Variants in DOCK4 observed in about 807,000 individuals in gnomAD.
DOCK4 encodes dedicator of cytokinesis protein 4.
A neutral mutation model predicts 268.1 loss-of-function variants in DOCK4; 97 were observed. The ratio of observed to expected loss-of-function variants is 0.36; its 90% CI spans 0.31 to 0.43. The LOEUF (loss-of-function observed/expected upper bound fraction) is 0.43. Among genes scored for constraint, DOCK4 ranks in the 20% least tolerant of loss-of-function variants. DOCK4 has a pLI of 1.00. For missense variants in DOCK4, 2,145 were observed against 2,455.7 expected (o/e 0.87, Z 2.67); for synonymous variants, 954 against 887.2 (o/e 1.08, Z -1.34).
At chr7:111,930,584 T>G (rs946326974) in intron 12 of DOCK4, among the ~76,000 whole-genome samples, 1 of 152,232 alleles carries the variant, frequency 6.6e-6, no homozygotes, top group African/African-American at 2.4e-5. Flanking sequence ...AACGTTTGAC[T>G]GCACTGCTTC....
At position 111,727,421 on chromosome 7, in the gene DOCK4, C is replaced by T. The variant is rs895120753; in HGVS notation, c.*853G>A. ...GTCTGTATTGATTCCTGAATTCTTG[C>T]TAATGGGGCACAGTCATTTGTGCCT... On this transcript the variant is annotated 3_prime_UTR_variant, in exon 53 of 53. Transcript: ENST00000428084. 1 of 152,464 alleles carries T rather than the reference C, an allele frequency of 6.6e-6. No individual in the cohort carries two copies. The highest frequency in any genetic ancestry group is 2.1e-4 in the South Asian group (1 of 4,824). The allele number at this position is 152,464 out of a possible 1,614,324, so 9.4% of individuals were successfully genotyped here.
At chr7:111,905,683 A>ATGTGTGTGTGTG (rs145889951) in intron 13 of DOCK4, among the ~76,000 whole-genome samples, 28 of 147,724 alleles carry the variant, frequency 1.9e-4, no homozygotes, top group African/African-American at 3.2e-4. Context: ...ATATGCATGT[A>ATGTGTGTGTGTG]TGTGTGTGTG....
intron 23 of DOCK4, 36 bp from the exon 24 acceptor site, chr7:111,847,162 G>A (rs1200737812): frequency 6.2e-7 from 1 of 1,611,816 alleles, no homozygotes; most frequent in Admixed American, 1.7e-5. Context: ...CACATCTGTT[G>A]GAGTCCCACG....
intron 36 of DOCK4, among the ~76,000 whole-genome samples, chr7:111,774,944 C>T (rs750668169): frequency 2.6e-5 from 4 of 152,158 alleles, no homozygotes; most frequent in East Asian, 1.9e-4. Flanking sequence ...ACTTCCCTTA[C>T]AAAATAAGGT....
At chr7:112,097,737 G>T (rs1301224766) in intron 1 of DOCK4, among the ~76,000 whole-genome samples, 1 of 152,164 alleles carries the variant, frequency 6.6e-6, no homozygotes, top group African/African-American at 2.4e-5. Flanking sequence ...TCATTCCTGG[G>T]CCTATGAAAA....
At chr7:112,127,606 T>C (rs1341883578) in intron 1 of DOCK4, among the ~76,000 whole-genome samples, 1 of 152,064 alleles carries the variant, frequency 6.6e-6, no homozygotes, top group Non-Finnish European at 1.5e-5. Flanking sequence ...TTCATAGAAT[T>C]TGCTTAAAAA....
chr7:111,832,039 C>G (rs1415422516), intron 26 of DOCK4, among the ~76,000 whole-genome samples: 1 of 152,118 alleles, frequency 6.6e-6, no homozygotes, highest in Non-Finnish European at 1.5e-5. Context: ...TATCAAGGAG[C>G]TTATGGCCCA....
At chr7:112,008,865 G>T (rs1314281322) in intron 1 of DOCK4, among the ~76,000 whole-genome samples, 1 of 152,120 alleles carries the variant, frequency 6.6e-6, no homozygotes, top group Non-Finnish European at 1.5e-5. Flanking sequence ...GTGGTGGCGG[G>T]TGCCTGTAAT....
At chr7:111,850,879 T>C (rs901294117) in intron 23 of DOCK4, among the ~76,000 whole-genome samples, 1 of 152,226 alleles carries the variant, frequency 6.6e-6, no homozygotes, top group South Asian at 2.1e-4. Context: ...AAAAGCTTTA[T>C]TGCTCACACA....
chr7:112,164,833 C>T (rs945669058), intron 1 of DOCK4, among the ~76,000 whole-genome samples: 1 of 152,190 alleles, frequency 6.6e-6, no homozygotes, highest in African/African-American at 2.4e-5. Flanking sequence ...AGTGGCAAAG[C>T]CAGAATATGC....
intron 1 of DOCK4, among the ~76,000 whole-genome samples, chr7:112,188,837 G>A (rs1242942008): frequency 1.3e-5 from 2 of 152,188 alleles, no homozygotes; most frequent in Non-Finnish European, 2.9e-5. Flanking sequence ...TCATATAAAA[G>A]CAGCATTTTA....
intron 12 of DOCK4, among the ~76,000 whole-genome samples, chr7:111,933,163 T>C (rs1018237877): frequency 2.1e-5 from 3 of 145,014 alleles, no homozygotes; most frequent in East Asian, 2.0e-4. Flanking sequence ...TATACACATA[T>C]ATACGTATAT....
chr7:111,817,043 A>G (rs1301993526), intron 27 of DOCK4, among the ~76,000 whole-genome samples: 2 of 152,150 alleles, frequency 1.3e-5, no homozygotes, highest in African/African-American at 4.8e-5. Flanking sequence ...ACTGGTGGAA[A>G]ATCACTCATA....
intron 1 of DOCK4, among the ~76,000 whole-genome samples, chr7:112,140,697 AT>A (rs1224609629): frequency 6.6e-6 from 1 of 151,894 alleles, no homozygotes; most frequent in Admixed American, 6.6e-5. Flanking sequence ...ACACGGAAGA[AT>A]TTTTTTTCCT....
At chr7:111,952,733 G>C (rs956677417) in intron 8 of DOCK4, among the ~76,000 whole-genome samples, 1 of 152,074 alleles carries the variant, frequency 6.6e-6, no homozygotes, top group East Asian at 1.9e-4. Flanking sequence ...ATTTTCAACA[G>C]TTAAATATCA....
intron 1 of DOCK4, among the ~76,000 whole-genome samples, chr7:112,195,270 C>A (rs1820319989): frequency 6.6e-6 from 1 of 152,140 alleles, no homozygotes; most frequent in Admixed American, 6.5e-5. Context: ...CAGAATGAGA[C>A]TCCATCTCAA....
chr7:111,746,814 CTTTTTTTTTTT>C (rs59197701), intron 43 of DOCK4, among the ~76,000 whole-genome samples: 2 of 110,912 alleles, frequency 1.8e-5, no homozygotes, highest in Admixed American at 9.8e-5. Context: ...TCGGTCTTAT[CTTTTTTTTTTT>C]TTTTTTTTTT....
intron 8 of DOCK4, among the ~76,000 whole-genome samples, chr7:111,961,931 A>T (rs1309931788): frequency 6.6e-6 from 1 of 152,218 alleles, no homozygotes; most frequent in Non-Finnish European, 1.5e-5. Flanking sequence ...GTATGAAAAC[A>T]TTAATAAATT....
At position 111,915,764 on chromosome 7, in the gene DOCK4, TC is replaced by T; in HGVS notation, c.1192+14del. 6.2e-7 allele frequency: 1 copy of T among 1,612,250 alleles called. No individual in the cohort carries two copies. On this transcript the variant is annotated intron_variant, in intron 13 of 52. Coordinates refer to ENST00000428084, the MANE Select transcript of DOCK4 (RefSeq NM_001363540.2). ...ACCCATATTTCATCATATCGGTACG[TC>T]CCAAGTCACCTACCAGGCATAATAA...
Sources: gnomAD v4.1 joint callset for allele counts (sites outside exome capture counted in the v4.1 genomes callset) on GRCh38, gnomAD v4.1.1 for gene constraint, MANE v1.5 for transcripts, NCBI Gene and HGNC (gene_info 2026-07-23, HGNC 2026-07-21) for gene names.